The following FSTL4 variants were observed in gnomAD, a reference collection of about 807,000 sequenced individuals.
The protein encoded by FSTL4 is follistatin-related protein 4.
A neutral mutation model predicts 78.2 loss-of-function variants in FSTL4; 28 were observed. That is an observed-to-expected ratio of 0.36 (90% CI 0.27 to 0.49). The LOEUF is 0.49. Ranked by LOEUF, FSTL4 falls within the 20% of genes least tolerant of loss-of-function variation. FSTL4 has a pLI of 0.98. For synonymous variants in FSTL4, 422 were observed against 440.5 expected (o/e 0.96, Z 0.53); for missense variants, 922 against 1,084.9 (o/e 0.85, Z 2.11).
chr5:133,606,527 G>A (rs1760981766), intron 1 of FSTL4, among the ~76,000 whole-genome samples: 1 of 152,238 alleles, frequency 6.6e-6, no homozygotes, highest in African/African-American at 2.4e-5. Flanking sequence ...AAAACAGCGA[G>A]TGGATTTTTG....
chr5:133,503,902 C>T (rs762136154), intron 3 of FSTL4, among the ~76,000 whole-genome samples: 36 of 152,170 alleles, frequency 2.4e-4, no homozygotes, highest in Admixed American at 6.5e-4. Context: ...TTTCCCAGGG[C>T]TGGGGAGGCC....
Position 133,199,791 on chromosome 5 carries a change from G to A in FSTL4, c.1833C>T (p.Gly611=), listed in dbSNP as rs773844080. ...TNLIINHIRF[G]FIFNKSDPAV... is the part of the protein sequence containing the mutation. The stretch of plus-strand genomic sequence containing the variant: ...CAGGATCAGACTTGTTGAAGATGAA[G>A]CCAAACCTGGGAGGGGAAGAACTGA... The change falls in exon 16 of 16, where the codon GGC becomes GGT. Residue 611 remains glycine, a synonymous_variant. Transcript: ENST00000265342. This position sits in a 1 kb window ranked among gnomAD's most constrained non-coding sequence, Gnocchi z 4.4. 6.5e-6 allele frequency: 10 copies of A among 1,535,262 alleles called. No homozygotes were observed. The highest frequency in any genetic ancestry group is 2.4e-5 in the East Asian group (1 of 40,884).
At chr5:133,526,430 C>A (rs1470995922) in intron 3 of FSTL4, among the ~76,000 whole-genome samples, 1 of 152,074 alleles carries the variant, frequency 6.6e-6, no homozygotes, top group Non-Finnish European at 1.5e-5. Context: ...ATAGGGAAAG[C>A]CCAAATGTAC....
chr5:133,277,180 G>A (rs1013047545), intron 6 of FSTL4, among the ~76,000 whole-genome samples: 2 of 152,168 alleles, frequency 1.3e-5, no homozygotes, highest in African/African-American at 4.8e-5. Flanking sequence ...GCTGGGTGTG[G>A]CGGTGTGCCC....
At chr5:133,568,440 AG>A in intron 2 of FSTL4, among the ~76,000 whole-genome samples, 1 of 152,264 alleles carries the variant, frequency 6.6e-6, no homozygotes, top group South Asian at 2.1e-4. Context: ...TCTTGTCAGA[AG>A]GGGGAGGCAA....
intron 3 of FSTL4, among the ~76,000 whole-genome samples, chr5:133,466,610 C>T (rs1757714081): frequency 6.6e-6 from 1 of 152,156 alleles, no homozygotes; most frequent in African/African-American, 2.4e-5. Flanking sequence ...ATCCATCCAC[C>T]CATCTACCAT....
intron 8 of FSTL4, among the ~76,000 whole-genome samples, chr5:133,230,433 G>A (rs995403964): frequency 6.6e-6 from 1 of 152,172 alleles, no homozygotes; most frequent in Admixed American, 6.5e-5. Flanking sequence ...AATGAAACCT[G>A]CCTGCAAGTC....
intron 3 of FSTL4, among the ~76,000 whole-genome samples, chr5:133,542,444 A>G (rs1394743632): frequency 6.6e-6 from 1 of 152,148 alleles, no homozygotes; most frequent in African/African-American, 2.4e-5. Flanking sequence ...CATTCTTACC[A>G]GGTTTTGGTG....
the FSTL4 span, among the ~76,000 whole-genome samples, chr5:133,677,283 G>A: frequency 5.3e-5 from 8 of 152,310 alleles, no homozygotes; most frequent in South Asian, 2.1e-4. Flanking sequence ...TAGAGGGCCC[G>A]AGTCCTGGGC....
At chr5:133,836,281 C>T in the FSTL4 span, among the ~76,000 whole-genome samples, 5 of 152,122 alleles carry the variant, frequency 3.3e-5, no homozygotes, top group South Asian at 8.3e-4. Flanking sequence ...TTTTCACTAT[C>T]TCATTTTTCT....
At chr5:133,241,306 C>G (rs1362167171) in intron 7 of FSTL4, among the ~76,000 whole-genome samples, 1 of 152,250 alleles carries the variant, frequency 6.6e-6, no homozygotes, top group African/African-American at 2.4e-5. Context: ...AACCACCTGA[C>G]TTCCAGTTTA....
At chr5:133,618,224 A>C in the FSTL4 span, among the ~76,000 whole-genome samples, 1 of 152,234 alleles carries the variant, frequency 6.6e-6, no homozygotes, top group Non-Finnish European at 1.5e-5. Flanking sequence ...AATATGATAT[A>C]TATATCTTCC....
At chr5:133,789,878 ACTT>A in the FSTL4 span, among the ~76,000 whole-genome samples, 1 of 152,150 alleles carries the variant, frequency 6.6e-6, no homozygotes, top group Non-Finnish European at 1.5e-5. Context: ...AAACTTAGTT[ACTT>A]CTTCAGAGGC....
chr5:133,461,167 C>G (rs905878854), intron 3 of FSTL4, among the ~76,000 whole-genome samples: 4 of 152,202 alleles, frequency 2.6e-5, no homozygotes, highest in African/African-American at 7.2e-5. Flanking sequence ...TTGCACAAAT[C>G]ACTTACTCAA....
Position 133,567,214 on chromosome 5 carries a change from G to A in FSTL4, c.132C>T (p.Pro44=), listed in dbSNP as rs779343596. 6.2e-7 allele frequency: 1 copy of A among 1,607,898 alleles called. No homozygotes were observed. Among genetic ancestry groups the A allele is most frequent in the Non-Finnish European group, 8.5e-7 (1 of 1,174,436 alleles). ...VGVGESQAEE[P]RSFEVTRREG... ...CTCTTCTTGTGACTTCAAAGCTTCT[G>A]GGCTCCTGCAAGAAAAGAAAGACTT... The change falls in exon 3 of 16, where the codon CCC becomes CCT. Residue 44 remains proline, a synonymous_variant. Coordinates refer to ENST00000265342, the MANE Select transcript of FSTL4 (RefSeq NM_015082.2).
chr5:133,807,748 C>A, the FSTL4 span, among the ~76,000 whole-genome samples: 1 of 152,218 alleles, frequency 6.6e-6, no homozygotes, highest in Non-Finnish European at 1.5e-5. Flanking sequence ...GGGTCATGTC[C>A]TCTCACCGCA....
At chr5:133,369,657 C>G (rs1478571624) in intron 4 of FSTL4, among the ~76,000 whole-genome samples, 1 of 152,200 alleles carries the variant, frequency 6.6e-6, no homozygotes, top group East Asian at 1.9e-4. Flanking sequence ...ACAAAATGCT[C>G]AGCTTAGGTG....
chr5:133,534,537 T>A lies in FSTL4; in HGVS notation c.160+32649A>T, dbSNP rs531677944. Among the ~76,000 whole-genome samples the A allele has an allele frequency of 3.6e-4, 55 of 152,332 alleles. 1 individual carries two copies. In the South Asian group the frequency reaches 0.011, roughly 31 times the overall value. ...GATAGCTCTGCCCTCCATGTGCCCATGATGACTATTATTGTGGAACCATTA... is the reference window on the plus strand; with the variant it reads ...GATAGCTCTGCCCTCCATGTGCCCAAGATGACTATTATTGTGGAACCATTA... On this transcript the variant is annotated intron_variant, in intron 3 of 15. Coordinates refer to ENST00000265342, the MANE Select transcript of FSTL4 (RefSeq NM_015082.2).
chr5:133,240,637 G>A (rs777507347), intron 7 of FSTL4, among the ~76,000 whole-genome samples: 1 of 151,924 alleles, frequency 6.6e-6, no homozygotes, highest in African/African-American at 2.4e-5. Context: ...TTCTGACTGT[G>A]GATGCCAAAG....
Sources: gnomAD v4.1 joint callset for allele counts (sites outside exome capture counted in the v4.1 genomes callset) on GRCh38, gnomAD v4.1.1 for gene constraint, Gnocchi (gnomAD v3.1) non-coding constraint, MANE v1.5 for transcripts, NCBI Gene and HGNC (gene_info 2026-07-23, HGNC 2026-07-21) for gene names.